Variants in SNTG2 observed in about 807,000 individuals in gnomAD.
The protein encoded by SNTG2 is gamma-2-syntrophin.
A neutral mutation model predicts 70.9 loss-of-function variants in SNTG2; 74 were observed. The observed-to-expected ratio is 1.04, with a 90% CI of 0.86 to 1.27. The LOEUF is 1.27. Ranked by LOEUF, SNTG2 falls within the 50% of genes most tolerant of loss-of-function variation. SNTG2 has a pLI of 0.00. For missense variants in SNTG2, 717 were observed against 690.7 expected, an observed-to-expected ratio of 1.04 and a Z score of -0.43; for synonymous variants, 278 against 273.8, an observed-to-expected ratio of 1.02 and a Z score of -0.15.
chr2:966,992 C>A (rs1660591564), intron 1 of SNTG2, among the ~76,000 whole-genome samples: 1 of 151,868 alleles, frequency 6.6e-6, no homozygotes, highest in Non-Finnish European at 1.5e-5. Flanking sequence ...AGTTTAATGG[C>A]TATATTTTTA....
chr2:1,142,989 G>T (rs965239191), intron 6 of SNTG2, among the ~76,000 whole-genome samples: 11 of 152,198 alleles, frequency 7.2e-5, no homozygotes, highest in African/African-American at 2.2e-4. Context: ...GGAGTGGCCA[G>T]ATGCATATTG....
chr2:1,075,052 A>G (rs34741998), intron 1 of SNTG2, among the ~76,000 whole-genome samples: 24,117 of 152,296 alleles, frequency 0.16, 2,025 homozygotes, highest in East Asian at 0.21. Context: ...AGAATGGACC[A>G]TAGAGATCCA....
chr2:1,221,879 CTG>C (rs1439173662), intron 9 of SNTG2, among the ~76,000 whole-genome samples: 1 of 35,168 alleles, frequency 2.8e-5, no homozygotes, highest in Non-Finnish European at 4.6e-5. Flanking sequence ...CTCTCTCTCT[CTG>C]TCTCTGTCTG....
intron 1 of SNTG2, among the ~76,000 whole-genome samples, chr2:1,016,927 T>C (rs1659913221): frequency 6.6e-6 from 1 of 152,036 alleles, no homozygotes; most frequent in South Asian, 2.1e-4. Flanking sequence ...CAGGAGAAAA[T>C]TACTGGAATC....
At chr2:1,243,847 G>C (rs373324186) in intron 11 of SNTG2, among the ~76,000 whole-genome samples, 70 of 152,362 alleles carry the variant, frequency 4.6e-4, no homozygotes, top group African/African-American at 1.7e-3. Context: ...CCAACATGGT[G>C]AAACCCCGTC....
chr2:1,309,080 C>T (rs1305715316), intron 15 of SNTG2, among the ~76,000 whole-genome samples: 1 of 152,138 alleles, frequency 6.6e-6, no homozygotes, highest in Admixed American at 6.5e-5. Flanking sequence ...GAGGACAATC[C>T]ACTGTTTTGT....
intron 9 of SNTG2, among the ~76,000 whole-genome samples, chr2:1,233,330 C>G (rs1676385811): frequency 6.6e-6 from 1 of 152,236 alleles, no homozygotes; most frequent in Non-Finnish European, 1.5e-5. Flanking sequence ...ACTGCTAATG[C>G]TCTGTGATTG....
At chr2:1,192,592 A>AAAT (rs767782230) in intron 8 of SNTG2, among the ~76,000 whole-genome samples, 42 of 152,246 alleles carry the variant, frequency 2.8e-4, no homozygotes, top group Non-Finnish European at 5.6e-4. Flanking sequence ...GCTCCATCTC[A>AAAT]AATAATAATA....
Position 1,097,279 on chromosome 2 carries a change from C to A in SNTG2, c.211-917C>A, listed in dbSNP as rs752193337. 5.3e-5 allele frequency among the ~76,000 whole-genome samples: 8 copies of A among 152,220 alleles called. No homozygotes were observed. The highest frequency in any genetic ancestry group is 8.8e-5 in the Non-Finnish European group (6 of 68,048). On this transcript the variant is annotated intron_variant, in intron 2 of 16. Transcript: ENST00000308624. The surrounding 1 kb of genome is among the most constrained non-coding windows in gnomAD (Gnocchi z 4.1). ...CTGGCCGGGGCGGGAGCTCCCAGGT[C>A]CCCCCTTCGGCGTGGGCTCTGCCAC... is the stretch of plus-strand genomic sequence containing the variant.
At chr2:956,891 A>G (rs571842081) in intron 1 of SNTG2, among the ~76,000 whole-genome samples, 16 of 152,184 alleles carry the variant, frequency 1.1e-4, no homozygotes, top group Non-Finnish European at 1.9e-4. Context: ...TTGTGCTTTC[A>G]TATTTTTAGA....
At chr2:1,323,402 A>G in intron 16 of SNTG2, among the ~76,000 whole-genome samples, 1 of 149,994 alleles carries the variant, frequency 6.7e-6, no homozygotes, top group Non-Finnish European at 1.5e-5. Context: ...GGACATGGCT[A>G]ACAGTCACAT....
chr2:1,356,649 A>G (rs542429254), intron 16 of SNTG2, among the ~76,000 whole-genome samples: 2 of 152,290 alleles, frequency 1.3e-5, no homozygotes, highest in Admixed American at 6.5e-5. Context: ...TGCCCTAGCT[A>G]TTCAGGATTT....
intron 1 of SNTG2, among the ~76,000 whole-genome samples, chr2:1,035,203 T>G (rs1457560370): frequency 6.6e-6 from 1 of 152,226 alleles, no homozygotes; most frequent in Non-Finnish European, 1.5e-5. Flanking sequence ...TTTTATTCAG[T>G]GCATTGCTTC....
At chr2:1,104,449 T>A in intron 4 of SNTG2, among the ~76,000 whole-genome samples, 1 of 152,232 alleles carries the variant, frequency 6.6e-6, no homozygotes, top group South Asian at 2.1e-4. Context: ...TCTCTCAAGA[T>A]AATTTAAAAA....
intron 1 of SNTG2, among the ~76,000 whole-genome samples, chr2:1,042,811 A>C (rs942063252): frequency 6.6e-6 from 1 of 152,166 alleles, no homozygotes; most frequent in East Asian, 1.9e-4. Context: ...TGCCATCGTG[A>C]ATAGTGCTGG....
At chr2:963,474 T>C (rs981382659) in intron 1 of SNTG2, among the ~76,000 whole-genome samples, 3 of 152,232 alleles carry the variant, frequency 2.0e-5, no homozygotes, top group African/African-American at 4.8e-5. Context: ...TACACACTTA[T>C]ATGTAAATGA....
At chr2:1,023,505 T>C (rs1660311769) in intron 1 of SNTG2, among the ~76,000 whole-genome samples, 1 of 152,224 alleles carries the variant, frequency 6.6e-6, no homozygotes, top group Non-Finnish European at 1.5e-5. Context: ...CTTATTTTGT[T>C]AACATGGAGG....
intron 14 of SNTG2, among the ~76,000 whole-genome samples, chr2:1,288,286 C>A (rs952422504): frequency 6.6e-6 from 1 of 152,188 alleles, no homozygotes; most frequent in African/African-American, 2.4e-5. Context: ...CCACTCAGAG[C>A]AATGTGTTTC....
chr2:1,072,347 TTC>T (rs1491062990), intron 1 of SNTG2, among the ~76,000 whole-genome samples: 1,371 of 37,660 alleles, frequency 0.036, 38 homozygotes, highest in East Asian at 0.12. Flanking sequence ...CTTTTTCTTT[TTC>T]TTTTTTTTTT....
Sources: gnomAD v4.1 joint callset for allele counts (sites outside exome capture counted in the v4.1 genomes callset) on GRCh38, gnomAD v4.1.1 for gene constraint, Gnocchi (gnomAD v3.1) non-coding constraint, MANE v1.5 for transcripts, NCBI Gene and HGNC (gene_info 2026-07-23, HGNC 2026-07-21) for gene names.